The following COL4A1 variants were observed in gnomAD, a reference collection of about 807,000 sequenced individuals.
The protein encoded by COL4A1 is collagen alpha-1(IV) chain.
A neutral mutation model predicts 216.6 loss-of-function variants in COL4A1; 40 were observed. That is an observed-to-expected ratio of 0.18 (90% CI 0.14 to 0.24). The LOEUF (loss-of-function observed/expected upper bound fraction) is 0.24, where lower values mean the gene tolerates loss of function less well. COL4A1 is among the 10% of genes least tolerant of loss of function. COL4A1 has a pLI of 1.00. For missense variants in COL4A1, 1,628 were observed against 2,196.8 expected, an observed-to-expected ratio of 0.74 and a Z score of 5.18; for synonymous variants, 839 against 810.7, an observed-to-expected ratio of 1.03 and a Z score of -0.59.
chr13:110,166,608 C>T (rs896525762), intron 44 of COL4A1, among the ~76,000 whole-genome samples: 2 of 152,188 alleles, frequency 1.3e-5, no homozygotes, highest in African/African-American at 2.4e-5. Flanking sequence ...TTTCTGGTCA[C>T]GTGTGTAAAA....
At chr13:110,185,826 G>C (rs1325572905) in intron 26 of COL4A1, among the ~76,000 whole-genome samples, 1 of 152,220 alleles carries the variant, frequency 6.6e-6, no homozygotes, top group Non-Finnish European at 1.5e-5. Flanking sequence ...GGCTGTGCAG[G>C]AGGGCAGGGA....
intron 1 of COL4A1, among the ~76,000 whole-genome samples, chr13:110,290,356 A>T (rs1477157401): frequency 2.0e-5 from 3 of 152,208 alleles, no homozygotes; most frequent in Non-Finnish European, 4.4e-5. Flanking sequence ...TTTATCATTA[A>T]CATGTCCTTG....
intron 1 of COL4A1, among the ~76,000 whole-genome samples, chr13:110,273,709 AC>A (rs1883331096): frequency 1.3e-5 from 2 of 152,186 alleles, no homozygotes; most frequent in African/African-American, 4.8e-5. Context: ...TGGAAAACTC[AC>A]CCTCTAATTC....
chr13:110,248,291 GC>G (rs1218895571), intron 1 of COL4A1, among the ~76,000 whole-genome samples: 1 of 152,186 alleles, frequency 6.6e-6, no homozygotes, highest in Non-Finnish European at 1.5e-5. Context: ...GCAAGCGCGG[GC>G]CCCACACGCT....
chr13:110,168,769 C>G (rs1430612261), intron 43 of COL4A1, among the ~76,000 whole-genome samples: 1 of 152,178 alleles, frequency 6.6e-6, no homozygotes, highest in Non-Finnish European at 1.5e-5. Flanking sequence ...AGGTCTGTCT[C>G]AAATCCCTCC....
In COL4A1 at chr13:110,261,259, C is replaced by T. The variant is rs533864770; in HGVS notation, c.85-18525G>A. On this transcript the variant is annotated intron_variant, in intron 1 of 51. Coordinates refer to ENST00000375820, the MANE Select transcript of COL4A1 (RefSeq NM_001845.6). ...CACCGCCCTGGCGCAGGAAGCCCCC[C>T]GACCCATCACAACTTCACCCAGAAG... is the stretch of plus-strand genomic sequence containing the variant. Among the ~76,000 whole-genome samples, 6 of 152,250 alleles carry T rather than the reference C, an allele frequency of 3.9e-5. No individual in the cohort carries two copies. The East Asian group carries it at 9.7e-4, about 25-fold the overall frequency.
chr13:110,257,802 C>T (rs1336593777), intron 1 of COL4A1, among the ~76,000 whole-genome samples: 1 of 152,174 alleles, frequency 6.6e-6, no homozygotes, highest in Non-Finnish European at 1.5e-5. Context: ...AATTGACAAG[C>T]GTAATGCTAT....
chr13:110,253,688 A>G (rs1005516955), intron 1 of COL4A1, among the ~76,000 whole-genome samples: 6 of 121,806 alleles, frequency 4.9e-5, no homozygotes, highest in Middle Eastern at 5.2e-3. Context: ...TATTACATAT[A>G]CATATAATTA....
At chr13:110,174,108 G>T in intron 39 of COL4A1, 110 bp from the exon 40 acceptor site, 2 of 1,225,812 alleles carry the variant, frequency 1.6e-6, no homozygotes, top group Non-Finnish European at 2.3e-6. Flanking sequence ...TCCCTCCCAA[G>T]CACACCTGGT....
At position 110,288,344 on chromosome 13, in the gene COL4A1, A is replaced by G. The variant is rs563099176; in HGVS notation, c.84+18600T>C. 2.0e-5 allele frequency among the ~76,000 whole-genome samples: 3 copies of G among 151,970 alleles called. No individual in the cohort carries two copies. In the South Asian group the frequency reaches 6.2e-4, roughly 32 times the overall value. On this transcript the variant is annotated intron_variant, in intron 1 of 51. Coordinates refer to ENST00000375820, the MANE Select transcript of COL4A1 (RefSeq NM_001845.6). The stretch of plus-strand genomic sequence containing the variant: ...AATCGCTGCTACTATGAGCCTTGAA[A>G]CTCAGCTTTGATCTTGCTGGTAAAA...
At chr13:110,153,011 G>C (rs1876582514) in intron 50 of COL4A1, among the ~76,000 whole-genome samples, 1 of 152,056 alleles carries the variant, frequency 6.6e-6, no homozygotes, top group Non-Finnish European at 1.5e-5. Context: ...AAGAGAAAGA[G>C]AAAAAAATAG....
rs72654107 is a variant in COL4A1 at position 110,174,992 on chromosome 13, T to C, written c.3198+226A>G. On this transcript the variant is annotated intron_variant, in intron 37 of 51. Coordinates refer to ENST00000375820, the MANE Select transcript of COL4A1 (RefSeq NM_001845.6). Reference sequence around the variant, plus strand: ...TTCGTCCTCCATCCTCTCTGTTTTATCCCACTGACAGCTGTCTCCCACCTT... The same window carrying C: ...TTCGTCCTCCATCCTCTCTGTTTTACCCCACTGACAGCTGTCTCCCACCTT... 7.9e-3 allele frequency among the ~76,000 whole-genome samples: 1,207 copies of C among 152,324 alleles called. 7 individuals carry two copies. Among genetic ancestry groups the C allele is most frequent in the Middle Eastern group, 0.024 (7 of 294 alleles).
chr13:110,234,369 G>A (rs1472538059), intron 2 of COL4A1, among the ~76,000 whole-genome samples: 1 of 152,126 alleles, frequency 6.6e-6, no homozygotes, highest in Non-Finnish European at 1.5e-5. Flanking sequence ...ATCTCTTGAG[G>A]TCAGGAGTTC....
intron 1 of COL4A1, among the ~76,000 whole-genome samples, chr13:110,288,218 C>T (rs922032060): frequency 1.3e-5 from 2 of 150,916 alleles, no homozygotes; most frequent in Non-Finnish European, 2.9e-5. Context: ...GAGCCGAGAT[C>T]GTGCCATTGC....
intron 2 of COL4A1, among the ~76,000 whole-genome samples, chr13:110,230,538 C>G (rs570191324): frequency 9.0e-5 from 5 of 55,604 alleles, no homozygotes; most frequent in South Asian, 1.2e-3. Flanking sequence ...GTAAAGGGGG[C>G]GAGTGAGGTG....
rs1458724235 is a variant in COL4A1, at chr13:110,207,584, C to T, written c.694-95G>A. The T allele has an allele frequency of 3.2e-6, 3 of 952,130 alleles. No homozygotes were observed. In the Admixed American group the frequency reaches 5.7e-5, roughly 18 times the overall value. 59.0% of individuals were successfully genotyped at this position (952,130 alleles called of 1,614,324 possible). ...GAGGTAAAAGCCTAAAATAAAACAC[C>T]TATTTTTAAAATGTAATTATACTCT... On this transcript the variant is annotated intron_variant, in intron 12 of 51. Transcript: ENST00000375820. The surrounding 1 kb of genome is among the most constrained non-coding windows in gnomAD (Gnocchi z 4.4).
intron 51 of COL4A1, among the ~76,000 whole-genome samples, chr13:110,151,449 G>C (rs1876493334): frequency 6.6e-6 from 1 of 152,202 alleles, no homozygotes; most frequent in Non-Finnish European, 1.5e-5. Context: ...TTCCTTGAAA[G>C]GCTCCAATAA....
In COL4A1 at chr13:110,174,516, C is replaced by G. The variant is rs536855906; in HGVS notation, c.3336G>C (p.Gly1112=). 24 of 1,614,070 alleles carry G rather than the reference C, an allele frequency of 1.5e-5. No homozygotes were observed. In the Middle Eastern group the frequency reaches 4.9e-4, roughly 33 times the overall value. The change falls in exon 39 of 52, where the codon GGG becomes GGC. Residue 1112 remains glycine, a synonymous_variant. Coordinates refer to ENST00000375820, the MANE Select transcript of COL4A1 (RefSeq NM_001845.6). ...CTTTGTCACCTTTTTCTCCAGGTAGCCCAGGACTTCCTAAAGAAAAAAACA... is the reference window on the plus strand; with the variant it reads ...CTTTGTCACCTTTTTCTCCAGGTAGGCCAGGACTTCCTAAAGAAAAAAACA... ...PGSVGYPGSP[G]LPGEKGDKGL...
intron 1 of COL4A1, among the ~76,000 whole-genome samples, chr13:110,258,696 A>G (rs1882684193): frequency 6.6e-6 from 1 of 152,226 alleles, no homozygotes; most frequent in Non-Finnish European, 1.5e-5. Flanking sequence ...AAGGTAATAA[A>G]CAATGTTAAC....
Sources: allele counts gnomAD v4.1 joint callset (sites outside exome capture counted in the v4.1 genomes callset), GRCh38; gene constraint gnomAD v4.1.1; non-coding constraint Gnocchi (gnomAD v3.1); transcripts MANE v1.5; gene names NCBI Gene and HGNC (gene_info 2026-07-23, HGNC 2026-07-21).